FBLN5: variants seen among roughly 807,000 people sequenced by gnomAD.
The protein encoded by FBLN5 is fibulin-5.
FBLN5 carries 24 observed loss-of-function variants against 61.6 expected under a neutral mutation model. The observed-to-expected ratio is 0.39, with a 90% CI of 0.28 to 0.55. The LOEUF (loss-of-function observed/expected upper bound fraction) is 0.55, where lower values mean the gene tolerates loss of function less well. Among genes scored for constraint, FBLN5 ranks in the 20% least tolerant of loss-of-function variants. The pLI is 0.65. For missense variants in FBLN5, 470 were observed against 594.1 expected (o/e 0.79, Z 2.17); for synonymous variants, 213 against 219.8 (o/e 0.97, Z 0.27).
At chr14:91,911,432 A>T (rs1890929527) in intron 4 of FBLN5, among the ~76,000 whole-genome samples, 1 of 152,248 alleles carries the variant, frequency 6.6e-6, no homozygotes, top group South Asian at 2.1e-4. Flanking sequence ...CTCTTTACAC[A>T]GTACCAGGCA....
chr14:91,942,856 A>G (rs1469508395), intron 2 of FBLN5, 51 bp downstream of exon 2: 1 of 1,236,006 alleles, frequency 8.1e-7, no homozygotes, highest in South Asian at 1.3e-5. Context: ...GGACTCCCTC[A>G]CCCCGGATTT....
rs192504162 is a variant in FBLN5 at position 91,901,527 on chromosome 14, G to A, written c.380-6455C>T. On this transcript the variant is annotated intron_variant, in intron 4 of 10. Transcript: ENST00000342058. ...TGATAAGAAAGAAGAAAACAACAAT[G>A]GCACATTCCTACACCTCCAAGTGAA... Among the ~76,000 whole-genome samples, 213 of 152,280 alleles carry A rather than the reference G, an allele frequency of 1.4e-3. 2 individuals are homozygous for A. The highest frequency in any genetic ancestry group is 5.0e-3 in the African/African-American group (206 of 41,548).
chr14:91,898,488 A>C (rs1478871754), intron 4 of FBLN5, among the ~76,000 whole-genome samples: 1 of 151,880 alleles, frequency 6.6e-6, no homozygotes, highest in Non-Finnish European at 1.5e-5. Flanking sequence ...TCTCGGGGGG[A>C]GGCTGAAAGA....
chr14:91,940,619 G>T lies in FBLN5; in HGVS notation c.73-3C>A. On this transcript the variant is annotated splice_region_variant and splice_polypyrimidine_tract_variant and intron_variant, in intron 2 of 10. Coordinates refer to ENST00000342058, the MANE Select transcript of FBLN5 (RefSeq NM_006329.4). ...TCAAAGCCATTCGTGCACTGTGCCT[G>T]CAGGGAAGGAGAGAGGAGAAACAGG... 6.2e-7 allele frequency: 1 copy of T among 1,613,692 alleles called. No homozygotes were observed. Among genetic ancestry groups the T allele is most frequent in the Non-Finnish European group, 8.5e-7 (1 of 1,179,616 alleles).
intron 1 of FBLN5, among the ~76,000 whole-genome samples, chr14:91,944,176 A>G (rs181868167): frequency 6.6e-6 from 1 of 152,324 alleles, no homozygotes; most frequent in African/African-American, 2.4e-5. Context: ...TACTAAAAAT[A>G]CAAAAATTTG....
At chr14:91,901,424 G>A (rs1040747180) in intron 4 of FBLN5, among the ~76,000 whole-genome samples, 1 of 152,124 alleles carries the variant, frequency 6.6e-6, no homozygotes, top group African/African-American at 2.4e-5. Context: ...CATTTCCTTG[G>A]TAGTAAATTT....
chr14:91,915,114 C>T (rs773988985), intron 4 of FBLN5, among the ~76,000 whole-genome samples: 23 of 151,344 alleles, frequency 1.5e-4, no homozygotes, highest in Middle Eastern at 3.4e-3. Flanking sequence ...GAGCCAAGAT[C>T]GCACCACTGC....
At chr14:91,888,298 CA>C (rs531323572) in intron 6 of FBLN5, among the ~76,000 whole-genome samples, 1 of 146,426 alleles carries the variant, frequency 6.8e-6, no homozygotes, top group East Asian at 2.0e-4. Context: ...GACCCTGTCT[CA>C]AAAAAAAATA....
chr14:91,940,908 C>T (rs900186651), intron 2 of FBLN5, among the ~76,000 whole-genome samples: 5 of 151,918 alleles, frequency 3.3e-5, no homozygotes, highest in East Asian at 3.9e-4. Flanking sequence ...ATTTTGAGAC[C>T]GCCCTCAAGA....
chr14:91,888,286 G>A (rs1182757004), intron 6 of FBLN5, among the ~76,000 whole-genome samples: 1 of 146,088 alleles, frequency 6.8e-6, no homozygotes, highest in African/African-American at 2.5e-5. Context: ...GTGACAGAGT[G>A]AGACCCTGTC....
chr14:91,922,836 A>ATC lies in FBLN5; in HGVS notation c.379+14110_379+14111insGA, dbSNP rs1354230805. Among the ~76,000 whole-genome samples, 3 of 152,138 alleles carry ATC rather than the reference A, an allele frequency of 2.0e-5. No homozygotes were observed. In the East Asian group the frequency reaches 5.8e-4, roughly 29 times the overall value. On this transcript the variant is annotated intron_variant, in intron 4 of 10. Transcript: ENST00000342058. ...CAGGACCAGGCCAGGCCCTATCATC[A>ATC]CAGTGAGAGCCAATTTCATCCATCC... is the stretch of plus-strand genomic sequence containing the variant.
intron 4 of FBLN5, among the ~76,000 whole-genome samples, chr14:91,907,236 T>C (rs1428757704): frequency 4.6e-5 from 7 of 152,168 alleles, no homozygotes; most frequent in Non-Finnish European, 1.5e-5. Flanking sequence ...AGTCCCCTTG[T>C]CCCTTCTCTC....
Position 91,937,212 on chromosome 14 carries a change from C to A in FBLN5, c.125-11G>T. 3 of 1,614,088 alleles carry A rather than the reference C, an allele frequency of 1.9e-6. No individual in the cohort carries two copies. The highest frequency in any genetic ancestry group is 2.5e-6 in the Non-Finnish European group (3 of 1,180,012). On this transcript the variant is annotated splice_polypyrimidine_tract_variant and intron_variant, in intron 3 of 10. Coordinates refer to ENST00000342058, the MANE Select transcript of FBLN5 (RefSeq NM_006329.4). ...GGCATTCATCAATATCTGAAAGGCACAGAAAGGGCGAGCATTAGTGGCACC... is the reference window on the plus strand; with the variant it reads ...GGCATTCATCAATATCTGAAAGGCAAAGAAAGGGCGAGCATTAGTGGCACC...
At chr14:91,935,072 C>T (rs1481457689) in intron 4 of FBLN5, among the ~76,000 whole-genome samples, 1 of 152,210 alleles carries the variant, frequency 6.6e-6, no homozygotes, top group Non-Finnish European at 1.5e-5. Context: ...AATGGATGGG[C>T]CTGGTGCCAG....
intron 2 of FBLN5, chr14:91,942,168 A>G (rs1484374708): frequency 2.2e-6 from 1 of 455,900 alleles, no homozygotes; most frequent in African/African-American, 2.0e-5. Context: ...ACAGGGGTCC[A>G]TCTCTCCTGT....
Position 91,938,714 on chromosome 14 carries a change from G to A in FBLN5, c.125-1513C>T, listed in dbSNP as rs145055905. Among the ~76,000 whole-genome samples the A allele has an allele frequency of 6.2e-3, 949 of 152,262 alleles. 14 individuals are homozygous for A. The highest frequency in any genetic ancestry group is 0.021 in the African/African-American group (854 of 41,544). ...AGCAGTAGACATGATCCCGTATACC[G>A]AGCCATGTCAGCAGCCTTGGAGTCT... On this transcript the variant is annotated intron_variant, in intron 3 of 10. Coordinates refer to ENST00000342058, the MANE Select transcript of FBLN5 (RefSeq NM_006329.4).
rs148895558 is a variant in FBLN5, at chr14:91,881,937, A to G, written c.863-519T>C. Among the ~76,000 whole-genome samples the G allele has an allele frequency of 5.2e-3, 788 of 152,212 alleles. 3 individuals are homozygous for G. The highest frequency in any genetic ancestry group is 0.017 in the African/African-American group (700 of 41,540). On this transcript the variant is annotated intron_variant, in intron 8 of 10. Transcript: ENST00000342058. Reference sequence around the variant, plus strand: ...TCAAGACCAGCCTGGCCAACATGGTAAAATACAAAAATACAGAAATTAGCC... The same window carrying G: ...TCAAGACCAGCCTGGCCAACATGGTGAAATACAAAAATACAGAAATTAGCC...
At chr14:91,901,219 T>C (rs1273907853) in intron 4 of FBLN5, among the ~76,000 whole-genome samples, 1 of 152,214 alleles carries the variant, frequency 6.6e-6, no homozygotes, top group Non-Finnish European at 1.5e-5. Flanking sequence ...GCTCCAATAC[T>C]GTGAACAGGC....
At chr14:91,891,391 C>T in intron 5 of FBLN5, 54 bp from the exon 6 acceptor site, 2 of 1,108,070 alleles carry the variant, frequency 1.8e-6, no homozygotes, top group Admixed American at 3.4e-5. Context: ...CAATGATGCC[C>T]CCACTAGCAT....
Sources: gnomAD v4.1 joint callset for allele counts (sites outside exome capture counted in the v4.1 genomes callset) on GRCh38, gnomAD v4.1.1 for gene constraint, MANE v1.5 for transcripts, NCBI Gene and HGNC (gene_info 2026-07-23, HGNC 2026-07-21) for gene names.